The following PUM1 variants were observed in gnomAD, a reference collection of about 807,000 sequenced individuals.
PUM1 encodes pumilio RNA binding family member 1.
Under a neutral mutation model 131.8 loss-of-function variants are expected in PUM1, and 13 were observed. The observed-to-expected ratio is 0.10, with a 90% CI of 0.06 to 0.16. PUM1 has a LOEUF of 0.16. Among genes scored for constraint, PUM1 ranks in the 10% least tolerant of loss-of-function variants. PUM1 has a pLI of 1.00. For missense variants in PUM1, 961 were observed against 1,512.4 expected (o/e 0.64, Z 6.05); for synonymous variants, 509 against 556.5 (o/e 0.91, Z 1.20).
chr1:31,058,727 T>C (rs1431767781), intron 2 of PUM1, among the ~76,000 whole-genome samples: 2 of 151,610 alleles, frequency 1.3e-5, no homozygotes, highest in East Asian at 1.9e-4. Context: ...TCCCAGCACT[T>C]TGGGAGGCCG....
intron 3 of PUM1, among the ~76,000 whole-genome samples, chr1:31,011,805 G>A (rs1642627203): frequency 6.6e-6 from 1 of 152,100 alleles, no homozygotes; most frequent in Non-Finnish European, 1.5e-5. Context: ...TTGACAAGGC[G>A]AAAAGTAACA....
chr1:31,014,494 A>T (rs1042322151), intron 3 of PUM1, among the ~76,000 whole-genome samples: 30 of 148,358 alleles, frequency 2.0e-4, no homozygotes, highest in East Asian at 5.9e-4. Flanking sequence ...CATTAAAATT[A>T]AAAAAAAAAG....
chr1:31,037,462 T>G (rs1308683560), intron 2 of PUM1, among the ~76,000 whole-genome samples: 1 of 152,192 alleles, frequency 6.6e-6, no homozygotes, highest in South Asian at 2.1e-4. Flanking sequence ...CAATGGCTCA[T>G]GCCTCCCAGC....
At position 31,063,516 on chromosome 1, in the gene PUM1, T is replaced by C. The variant is rs147104237; in HGVS notation, c.-12+2100A>G. On this transcript the variant is annotated intron_variant, in intron 1 of 21. Coordinates refer to ENST00000426105, the MANE Select transcript of PUM1 (RefSeq NM_001020658.2). Reference sequence around the variant, plus strand: ...ATGAGAGATTACCTAAGGAGGACAATGTACGTTATTCCAGTGATGGACACA... The same window carrying C: ...ATGAGAGATTACCTAAGGAGGACAACGTACGTTATTCCAGTGATGGACACA... Among the ~76,000 whole-genome samples, 1,295 of 152,278 alleles carry C rather than the reference T, an allele frequency of 8.5e-3. 12 individuals carry two copies. The highest frequency in any genetic ancestry group is 0.029 in the African/African-American group (1,202 of 41,546).
intron 7 of PUM1, 50 bp downstream of exon 7, chr1:30,992,340 C>T (rs777088427): frequency 5.7e-6 from 9 of 1,578,500 alleles, no homozygotes; most frequent in African/African-American, 2.7e-5. Context: ...ACTTGAACAA[C>T]GTGCTGGCTG....
chr1:31,065,547 T>G, intron 1 of PUM1, 69 bp downstream of exon 1: 3 of 1,477,370 alleles, frequency 2.0e-6, no homozygotes, highest in Non-Finnish European at 2.7e-6. Flanking sequence ...CAAACACCAA[T>G]ATGAAGGGAC....
chr1:31,033,732 G>A (rs1205776973), intron 2 of PUM1, among the ~76,000 whole-genome samples: 1 of 151,932 alleles, frequency 6.6e-6, no homozygotes, highest in Non-Finnish European at 1.5e-5. Flanking sequence ...CGCAATCACA[G>A]CTCACTACAG....
intron 2 of PUM1, among the ~76,000 whole-genome samples, chr1:31,057,411 AAAAAAAAAAAAG>A (rs1644265981): frequency 6.7e-6 from 1 of 149,208 alleles, no homozygotes; most frequent in Non-Finnish European, 1.5e-5. Context: ...GTCTCAAAAA[AAAAAAAAAAAAG>A]AAAAAGAAAA....
intron 3 of PUM1, among the ~76,000 whole-genome samples, chr1:31,028,129 T>G (rs1643290857): frequency 1.3e-5 from 2 of 152,314 alleles, no homozygotes; most frequent in South Asian, 4.1e-4. Flanking sequence ...TATACTCCCC[T>G]TCCTTTTTAA....
chr1:30,936,807 C>T lies in PUM1; in HGVS notation c.3271G>A (p.Ala1091Thr). 1 of 1,612,752 alleles carries T rather than the reference C, an allele frequency of 6.2e-7. No homozygotes were observed. Among genetic ancestry groups the T allele is most frequent in the Non-Finnish European group, 8.5e-7 (1 of 1,179,058 alleles). The change falls in exon 21 of 22, where the codon GCC (alanine) becomes ACC (threonine). Residue 1091 changes from alanine (A) to threonine (T), a missense_variant. Physicochemically the swap from Ala to Thr is moderately conservative, Grantham distance 58. Transcript: ENST00000426105. ...SNVVEKCVTH[A>T]SRTERAVLID... ...AGCACAGCGCGCTCCGTACGTGAGG[C>T]GTGAGTAACACACTTCTCCACAACA...
intron 7 of PUM1, among the ~76,000 whole-genome samples, chr1:30,989,516 G>C (rs944304671): frequency 3.1e-5 from 4 of 129,920 alleles, no homozygotes; most frequent in African/African-American, 1.2e-4. Flanking sequence ...AAGTTGCAGT[G>C]AGCCAAGATC....
chr1:31,062,304 GC>G (rs1404315001), intron 1 of PUM1, among the ~76,000 whole-genome samples: 1 of 152,072 alleles, frequency 6.6e-6, no homozygotes, highest in East Asian at 1.9e-4. Context: ...TAGAACACTT[GC>G]CAGCCTGTGG....
intron 17 of PUM1, 56 bp downstream of exon 17, chr1:30,950,071 A>G (rs1570109554): frequency 6.4e-7 from 1 of 1,572,668 alleles, no homozygotes; most frequent in East Asian, 2.2e-5. Context: ...AGGGTTCACT[A>G]CATGTACCAT....
At chr1:31,007,398 A>G (rs552777508) in intron 3 of PUM1, among the ~76,000 whole-genome samples, 1 of 152,344 alleles carries the variant, frequency 6.6e-6, no homozygotes, top group Non-Finnish European at 1.5e-5. Flanking sequence ...ATTTTTAAGG[A>G]GTGGGGAAGG....
chr1:30,945,953 T>C (rs1447961970), intron 17 of PUM1, among the ~76,000 whole-genome samples: 1 of 152,046 alleles, frequency 6.6e-6, no homozygotes, highest in East Asian at 1.9e-4. Context: ...ACCTGGCTAA[T>C]TTTTGTATTT....
At chr1:30,973,580 TA>T (rs563351600) in intron 10 of PUM1, among the ~76,000 whole-genome samples, 171 of 152,324 alleles carry the variant, frequency 1.1e-3, no homozygotes, top group Non-Finnish European at 1.8e-3. Context: ...TAAATGTACC[TA>T]GTAAAAATGT....
rs559123335 is a variant in PUM1 at position 30,943,511 on chromosome 1, C to T, written c.2995-1388G>A. Reference sequence around the variant, plus strand: ...AGGTGATCCACCCGTCTCAGCCTCCCAAAGTGCTGGGATTACAGGTGTGAA... The same window carrying T: ...AGGTGATCCACCCGTCTCAGCCTCCTAAAGTGCTGGGATTACAGGTGTGAA... On this transcript the variant is annotated intron_variant, in intron 18 of 21. Coordinates refer to ENST00000426105, the MANE Select transcript of PUM1 (RefSeq NM_001020658.2). 2.0e-5 allele frequency among the ~76,000 whole-genome samples: 3 copies of T among 152,270 alleles called. No homozygotes were observed. The East Asian group carries it at 5.8e-4, about 29-fold the overall frequency.
chr1:30,972,471 G>A (rs148576845), intron 10 of PUM1, among the ~76,000 whole-genome samples: 2 of 98,870 alleles, frequency 2.0e-5, no homozygotes, highest in African/African-American at 8.8e-5. Context: ...GAGAAGAGAA[G>A]AGAAATTAAT....
chr1:30,959,579 G>A (rs181990943), intron 14 of PUM1, among the ~76,000 whole-genome samples: 159 of 152,158 alleles, frequency 1.0e-3, no homozygotes, highest in Non-Finnish European at 1.9e-3. Context: ...CACATTCACG[G>A]AATACAGGAT....
Sources: gnomAD v4.1 joint callset for allele counts (sites outside exome capture counted in the v4.1 genomes callset) on GRCh38, gnomAD v4.1.1 for gene constraint, MANE v1.5 for transcripts, NCBI Gene and HGNC (gene_info 2026-07-23, HGNC 2026-07-21) for gene names.